ARHGEF4: variants seen among roughly 807,000 people sequenced by gnomAD.
ARHGEF4 encodes APC-stimulated guanine nucleotide exchange factor 1.
A neutral mutation model predicts 162.0 loss-of-function variants in ARHGEF4; 119 were observed. That is an observed-to-expected ratio of 0.73 (90% CI 0.63 to 0.86). The LOEUF is 0.86. Among genes scored for constraint, ARHGEF4 ranks in the 40% least tolerant of loss-of-function variants. ARHGEF4 has a pLI of 0.00. For missense variants in ARHGEF4, 2,488 were observed against 2,456.0 expected, an observed-to-expected ratio of 1.01 and a Z score of -0.28; for synonymous variants, 1,014 against 979.9, an observed-to-expected ratio of 1.03 and a Z score of -0.65.
At position 130,915,378 on chromosome 2, in the gene ARHGEF4, C is replaced by G. The variant is rs1681417581; in HGVS notation, c.1432C>G (p.Leu478Val). The G allele has an allele frequency of 6.4e-7, 1 of 1,550,546 alleles. No homozygotes were observed. The highest frequency in any genetic ancestry group is 1.4e-5 in the African/African-American group (1 of 73,056). ...AACCCAGGAACCCCAAGGCACCCAA[C>G]TCGCACCAAGAGCTGCTGATGAGAG... ...SRTQEPQGTQ[L>V]APRAADERET... The change falls in exon 2 of 14, where the codon CTC becomes GTC. Residue 478 changes from leucine to valine, a missense_variant. Physicochemically the swap from Leu to Val is conservative, Grantham distance 32. Transcript: ENST00000409359.
At chr2:130,988,899 TATAGAGAGAGAGAGAGAG>T (rs1337116827) in intron 4 of ARHGEF4, among the ~76,000 whole-genome samples, 2 of 113,060 alleles carry the variant, frequency 1.8e-5, no homozygotes, top group African/African-American at 3.5e-5. Flanking sequence ...TATATATATA[TATAGAGAGAGAGAGAGAG>T]AGAGAGAGAG....
At chr2:130,866,044 G>A (rs561819186) in intron 1 of ARHGEF4, among the ~76,000 whole-genome samples, 4 of 151,808 alleles carry the variant, frequency 2.6e-5, no homozygotes, top group African/African-American at 2.4e-5. Context: ...TTAGGTCCAG[G>A]GACCTGAAGA....
rs1681543400 is a variant in ARHGEF4, at chr2:130,917,032, C to CCAT, written c.3089_3091dup (p.Ile1030dup). 1 of 1,550,926 alleles carries CCAT rather than the reference C, an allele frequency of 6.4e-7. No individual in the cohort carries two copies. Among genetic ancestry groups the CCAT allele is most frequent in the Non-Finnish European group, 8.7e-7 (1 of 1,147,080 alleles). On this transcript the variant is annotated inframe_insertion, in exon 2 of 14. Coordinates refer to ENST00000409359, the MANE Select transcript of ARHGEF4 (RefSeq NM_001367493.1). Reference sequence around the variant, plus strand: ...GAACACAGGAGGAAAAGTGAACCGACCATCAAGTGCACAGCCACCCAGGAA... The same window carrying CCAT: ...GAACACAGGAGGAAAAGTGAACCGACCATCATCAAGTGCACAGCCACCCAGGAA...
intron 4 of ARHGEF4, among the ~76,000 whole-genome samples, chr2:130,990,270 T>C (rs1049681123): frequency 6.6e-6 from 1 of 152,172 alleles, no homozygotes; most frequent in Non-Finnish European, 1.5e-5. Context: ...ACAAACAGTT[T>C]GAAGAGATGT....
chr2:130,866,622 C>T (rs970290728), intron 1 of ARHGEF4, among the ~76,000 whole-genome samples: 2 of 152,186 alleles, frequency 1.3e-5, no homozygotes, highest in African/African-American at 2.4e-5. Context: ...GATACTCTTT[C>T]TGCATCTATT....
chr2:130,941,587 C>T (rs1683300606), intron 3 of ARHGEF4, among the ~76,000 whole-genome samples: 1 of 151,982 alleles, frequency 6.6e-6, no homozygotes, highest in South Asian at 2.1e-4. Flanking sequence ...TATAAACAGT[C>T]TAACACTTAT....
chr2:130,888,065 C>A (rs1199870109), intron 1 of ARHGEF4, among the ~76,000 whole-genome samples: 3 of 152,032 alleles, frequency 2.0e-5, no homozygotes, highest in Non-Finnish European at 4.4e-5. Context: ...CTTTGTTGAT[C>A]CTCTCTGTTA....
chr2:130,979,433 C>T (rs187646929), intron 4 of ARHGEF4, among the ~76,000 whole-genome samples: 1 of 152,174 alleles, frequency 6.6e-6, no homozygotes, highest in East Asian at 1.9e-4. Context: ...GACAAAAAGA[C>T]TGAATTTAAA....
chr2:130,891,625 C>T (rs1679868763), intron 1 of ARHGEF4, among the ~76,000 whole-genome samples: 1 of 152,182 alleles, frequency 6.6e-6, no homozygotes, highest in East Asian at 1.9e-4. Flanking sequence ...AGTGAGGGCC[C>T]TCTTCTTGGC....
intron 4 of ARHGEF4, among the ~76,000 whole-genome samples, chr2:130,965,563 C>A (rs1684947090): frequency 6.6e-6 from 1 of 152,206 alleles, no homozygotes. Context: ...GAACCCCAAG[C>A]TAGATCATAC....
At chr2:130,925,032 CTAAGTGTGTGTGTGTG>C (rs1682146965) in intron 2 of ARHGEF4, among the ~76,000 whole-genome samples, 1 of 100,732 alleles carries the variant, frequency 9.9e-6, no homozygotes, top group African/African-American at 3.8e-5. Context: ...CTTAGGAGTT[CTAAGTGTGTGTGTGTG>C]TGTGTGTGTG....
chr2:130,837,389 C>G (rs1328788306), intron 1 of ARHGEF4: 2 of 337,756 alleles, frequency 5.9e-6, no homozygotes, highest in Non-Finnish European at 1.1e-5. Context: ...TGGCGCAGTA[C>G]CAGCTGTTTT....
intron 1 of ARHGEF4, among the ~76,000 whole-genome samples, chr2:130,911,098 A>G (rs867820109): frequency 3.9e-5 from 6 of 152,312 alleles, no homozygotes; most frequent in African/African-American, 7.2e-5. Flanking sequence ...GTTTCGGCCA[A>G]CGTCGGGGCA....
At chr2:131,035,437 C>A in intron 5 of ARHGEF4, 1 of 512,678 alleles carries the variant, frequency 2.0e-6, no homozygotes, top group Non-Finnish European at 2.8e-6. Flanking sequence ...GGCGTGGTGG[C>A]ACGTGTGTCA....
intron 1 of ARHGEF4, among the ~76,000 whole-genome samples, chr2:130,889,109 A>G (rs1204148741): frequency 1.3e-5 from 2 of 151,750 alleles, no homozygotes; most frequent in Non-Finnish European, 2.9e-5. Context: ...CCATCTCAAA[A>G]AAAAAAAAAG....
intron 12 of ARHGEF4, 149 bp from the exon 13 acceptor site, chr2:131,045,219 TG>T (rs1691143756): frequency 2.7e-6 from 2 of 729,502 alleles, no homozygotes; most frequent in Non-Finnish European, 4.5e-6. Flanking sequence ...GCAGGCTGAC[TG>T]TGCAGAATGG....
intron 4 of ARHGEF4, among the ~76,000 whole-genome samples, chr2:131,016,712 G>A (rs1383512335): frequency 6.6e-6 from 1 of 152,248 alleles, no homozygotes; most frequent in Admixed American, 6.5e-5. Context: ...CCCCACCCCA[G>A]AGTTTCTGAT....
chr2:130,868,649 C>T (rs1013384985), intron 1 of ARHGEF4, among the ~76,000 whole-genome samples: 2 of 152,186 alleles, frequency 1.3e-5, no homozygotes, highest in Non-Finnish European at 2.9e-5. Flanking sequence ...ACTTTGCAAA[C>T]ATTCTAGGGT....
chr2:130,840,229 C>T (rs1680514795), intron 1 of ARHGEF4, among the ~76,000 whole-genome samples: 2 of 152,088 alleles, frequency 1.3e-5, no homozygotes, highest in Admixed American at 1.3e-4. Flanking sequence ...TGCACACACA[C>T]ACATAGACCG....
Sources: gnomAD v4.1 joint callset for allele counts (sites outside exome capture counted in the v4.1 genomes callset) on GRCh38, gnomAD v4.1.1 for gene constraint, MANE v1.5 for transcripts, NCBI Gene and HGNC (gene_info 2026-07-23, HGNC 2026-07-21) for gene names.